The following NAALADL2 variants were observed in gnomAD, a reference collection of about 807,000 sequenced individuals.
The protein encoded by NAALADL2 is N-acetylated alpha-linked acidic dipeptidase like 2.
A neutral mutation model predicts 87.2 loss-of-function variants in NAALADL2; 76 were observed. That is an observed-to-expected ratio of 0.87 (90% CI 0.72 to 1.05). The LOEUF (loss-of-function observed/expected upper bound fraction) is 1.05. Ranked by LOEUF, NAALADL2 falls within the 50% of genes least tolerant of loss-of-function variation. The probability of loss-of-function intolerance (pLI) is 0.00; values close to 1 mark genes in which losing one functional copy is unlikely to be tolerated. For synonymous variants in NAALADL2, 354 were observed against 331.0 expected (o/e 1.07, Z -0.75); for missense variants, 1,089 against 945.8 (o/e 1.15, Z -1.99).
At chr3:175,622,612 C>T (rs1726388784) in intron 10 of NAALADL2, among the ~76,000 whole-genome samples, 1 of 152,080 alleles carries the variant, frequency 6.6e-6, no homozygotes, top group Non-Finnish European at 1.5e-5. Flanking sequence ...CACTTACTAG[C>T]AGAATCTAGT....
At chr3:174,869,142 C>A (rs1166257274) in intron 1 of NAALADL2, among the ~76,000 whole-genome samples, 1 of 151,954 alleles carries the variant, frequency 6.6e-6, no homozygotes, top group East Asian at 1.9e-4. Flanking sequence ...TGACTCAAGC[C>A]TGGAACTAAG....
At chr3:174,600,824 T>C (rs902711272) in intron 2 of NAALADL2, among the ~76,000 whole-genome samples, 1 of 152,104 alleles carries the variant, frequency 6.6e-6, no homozygotes, top group Non-Finnish European at 1.5e-5. Flanking sequence ...AACTCTATTA[T>C]GAGAATAGCA....
intron 1 of NAALADL2, among the ~76,000 whole-genome samples, chr3:174,945,462 C>T (rs548259802): frequency 6.6e-6 from 1 of 152,206 alleles, no homozygotes; most frequent in Non-Finnish European, 1.5e-5. Flanking sequence ...ATCCCTGGGG[C>T]AAAAATTTGA....
At chr3:175,589,316 A>AATGTTATCCATAC (rs1721034099) in intron 10 of NAALADL2, among the ~76,000 whole-genome samples, 1 of 152,230 alleles carries the variant, frequency 6.6e-6, no homozygotes, top group Non-Finnish European at 1.5e-5. Context: ...CTGGTAAATA[A>AATGTTATCCATAC]ATGGATAAAT....
At chr3:174,447,569 G>A (rs1005532677) in intron 1 of NAALADL2, among the ~76,000 whole-genome samples, 2 of 152,070 alleles carry the variant, frequency 1.3e-5, no homozygotes, top group African/African-American at 2.4e-5. Flanking sequence ...TGTAATCCCA[G>A]CACTTTGGGT....
At chr3:175,429,210 C>CTT (rs1553892244) in intron 5 of NAALADL2, among the ~76,000 whole-genome samples, 1 of 147,862 alleles carries the variant, frequency 6.8e-6, no homozygotes, top group African/African-American at 2.5e-5. Flanking sequence ...CACACACACA[C>CTT]ATATATATAC....
At chr3:174,693,316 A>G (rs1728749585) in intron 2 of NAALADL2, among the ~76,000 whole-genome samples, 1 of 152,178 alleles carries the variant, frequency 6.6e-6, no homozygotes, top group East Asian at 1.9e-4. Context: ...CAAATGTTTT[A>G]CTTGGTAGAA....
chr3:174,669,584 T>G (rs1048031453), intron 2 of NAALADL2, among the ~76,000 whole-genome samples: 1 of 152,124 alleles, frequency 6.6e-6, no homozygotes, highest in African/African-American at 2.4e-5. Context: ...TTCTTTATTC[T>G]GTTTCATTGA....
intron 3 of NAALADL2, among the ~76,000 whole-genome samples, chr3:174,828,004 G>A (rs962656985): frequency 1.3e-5 from 2 of 152,026 alleles, no homozygotes; most frequent in Admixed American, 6.6e-5. Flanking sequence ...GTATCATAGC[G>A]AGATCCTGTC....
chr3:174,874,506 A>T (rs756810970), intron 1 of NAALADL2, among the ~76,000 whole-genome samples: 9 of 152,106 alleles, frequency 5.9e-5, no homozygotes, highest in Non-Finnish European at 1.0e-4. Context: ...GTGTGATGTG[A>T]CTGCAGGCAT....
intron 1 of NAALADL2, among the ~76,000 whole-genome samples, chr3:174,500,432 C>T (rs1173455172): frequency 6.6e-6 from 1 of 152,042 alleles, no homozygotes; most frequent in Admixed American, 6.5e-5. Context: ...TTTCCCCCTC[C>T]TCCCACTCCC....
At chr3:175,176,125 T>C (rs1735663294) in intron 2 of NAALADL2, among the ~76,000 whole-genome samples, 2 of 152,156 alleles carry the variant, frequency 1.3e-5, no homozygotes, top group African/African-American at 4.8e-5. Context: ...TATATTTGCA[T>C]GGGTAACATA....
chr3:175,315,592 A>C (rs971577695), intron 4 of NAALADL2, among the ~76,000 whole-genome samples: 3 of 152,190 alleles, frequency 2.0e-5, no homozygotes, highest in Admixed American at 6.6e-5. Context: ...GTGTTCATTT[A>C]ACCCTGTATG....
intron 3 of NAALADL2, among the ~76,000 whole-genome samples, chr3:174,789,157 C>A (rs1295173631): frequency 1.3e-5 from 2 of 152,196 alleles, no homozygotes; most frequent in African/African-American, 4.8e-5. Flanking sequence ...TTGTAACTGT[C>A]TTCTGACCAG....
At chr3:175,344,457 C>T (rs1264926513) in intron 5 of NAALADL2, among the ~76,000 whole-genome samples, 1 of 151,366 alleles carries the variant, frequency 6.6e-6, no homozygotes, top group Non-Finnish European at 1.5e-5. Context: ...AGAGTAACTC[C>T]ATAGATGGGG....
intron 1 of NAALADL2, among the ~76,000 whole-genome samples, chr3:174,882,510 T>TAC (rs1174787324): frequency 6.7e-6 from 1 of 150,350 alleles, no homozygotes; most frequent in Admixed American, 6.6e-5. Context: ...TATGTGTATA[T>TAC]ACATATGTGC....
At chr3:174,588,539 A>G (rs1475565004) in intron 2 of NAALADL2, among the ~76,000 whole-genome samples, 1 of 152,086 alleles carries the variant, frequency 6.6e-6, no homozygotes, top group Non-Finnish European at 1.5e-5. Context: ...TGATGGTGAC[A>G]TACAGATGGG....
At chr3:175,682,653 T>G (rs1403921962) in intron 11 of NAALADL2, among the ~76,000 whole-genome samples, 1 of 152,042 alleles carries the variant, frequency 6.6e-6, no homozygotes, top group Non-Finnish European at 1.5e-5. Context: ...TTGAAATCAA[T>G]GCATAGCCCC....
At chr3:174,728,243 A>T (rs1043099888) in intron 2 of NAALADL2, among the ~76,000 whole-genome samples, 3 of 152,020 alleles carry the variant, frequency 2.0e-5, no homozygotes, top group African/African-American at 7.2e-5. Flanking sequence ...AAGGAGCATG[A>T]TTTCTGGATT....
Sources: allele counts gnomAD v4.1 joint callset (sites outside exome capture counted in the v4.1 genomes callset), GRCh38; gene constraint gnomAD v4.1.1; transcripts MANE v1.5; gene names NCBI Gene and HGNC (gene_info 2026-07-23, HGNC 2026-07-21).